Variants in TEKT1 observed in about 807,000 individuals in gnomAD.
TEKT1 encodes tektin-1.
TEKT1 carries 32 observed loss-of-function variants against 34.8 expected under a neutral mutation model. The observed-to-expected ratio is 0.92, with a 90% CI of 0.69 to 1.23. The LOEUF is 1.23. Among genes scored for constraint, TEKT1 ranks in the 50% most tolerant of loss-of-function variants. TEKT1 has a pLI of 0.00. For synonymous variants in TEKT1, 207 were observed against 199.8 expected, an observed-to-expected ratio of 1.04 and a Z score of -0.30; for missense variants, 492 against 518.5, an observed-to-expected ratio of 0.95 and a Z score of 0.50.
chr17:6,806,596 C>T (rs539447943), intron 6 of TEKT1, among the ~76,000 whole-genome samples: 133 of 152,256 alleles, frequency 8.7e-4, no homozygotes, highest in Middle Eastern at 3.4e-3. Flanking sequence ...GTTTTTGCAG[C>T]GGCTGGTACC....
chr17:6,800,807 C>A lies in TEKT1; in HGVS notation c.989G>T (p.Arg330Leu). The stretch of plus-strand genomic sequence containing the variant: ...CATTAGCCTATATTGTGCGACATCA[C>A]GACACAGCTCCACGTTCGGCCGGTG... ...RTHRPNVELC[R>L]DVAQYRLMKE... Residue 330 changes from arginine (R) to leucine (L), a missense_variant, in exon 7 of 8, where the codon CGT becomes CTT. Transcript: ENST00000338694. The A allele has an allele frequency of 6.2e-7, 1 of 1,614,190 alleles. No individual in the cohort carries two copies. Among genetic ancestry groups the A allele is most frequent in the Admixed American group, 1.7e-5 (1 of 60,024 alleles).
In TEKT1 at chr17:6,800,093, G is replaced by A; in HGVS notation, c.1191C>T (p.Ile397=). The stretch of plus-strand genomic sequence containing the variant: ...CATGGTCTTCCCCATCCCGAAGTGG[G>A]ATGGATTTCCTCATCTGCATACACA... The part of the protein sequence containing the change: ...EVLCMQMRKS[I]PLRDGEDHGV... The change falls in exon 8 of 8, where the codon ATC becomes ATT. Residue 397 remains isoleucine (I), a synonymous_variant. Transcript: ENST00000338694. 1 of 1,613,752 alleles carries A rather than the reference G, an allele frequency of 6.2e-7. No homozygotes were observed. The highest frequency in any genetic ancestry group is 2.2e-5 in the East Asian group (1 of 44,888).
rs567929653 is a variant in TEKT1, at chr17:6,827,305, G to A, written c.190+2882C>T. ...AGATGGAGTCTCGCTCTTGTCGCCCGGGCTGGAGTGCAGTGGCGTGATCTC... is the reference window on the plus strand; with the variant it reads ...AGATGGAGTCTCGCTCTTGTCGCCCAGGCTGGAGTGCAGTGGCGTGATCTC... On this transcript the variant is annotated intron_variant, in intron 2 of 7. Transcript: ENST00000338694. Among the ~76,000 whole-genome samples the A allele has an allele frequency of 1.5e-3, 215 of 144,282 alleles. 1 individual carries two copies. The highest frequency in any genetic ancestry group is 4.7e-3 in the African/African-American group (183 of 39,010). The allele number at this position is 144,282 out of a possible 152,430, so 94.7% of individuals were successfully genotyped here.
chr17:6,800,129 G>T lies in TEKT1; in HGVS notation c.1155C>A (p.Ile385=), dbSNP rs199826606. ...TCATCTGCATACACAGCACTTCGTC[G>T]ATATAAATGGTGTTCTCTTTGACCT... ...EIQVKENTIY[I]DEVLCMQMRK... is the part of the protein sequence containing the mutation. The change falls in exon 8 of 8, where the codon ATC becomes ATA. Residue 385 remains isoleucine (I), a synonymous_variant. Coordinates refer to ENST00000338694, the MANE Select transcript of TEKT1 (RefSeq NM_053285.2). The T allele has an allele frequency of 3.8e-5, 61 of 1,614,114 alleles. No individual in the cohort carries two copies. The East Asian group carries it at 1.4e-3, about 36-fold the overall frequency.
chr17:6,829,586 G>T (rs1328554872), intron 2 of TEKT1, among the ~76,000 whole-genome samples: 1 of 149,764 alleles, frequency 6.7e-6, no homozygotes, highest in East Asian at 2.0e-4. Context: ...GGGCTTACAG[G>T]ATCCTACTGC....
chr17:6,812,778 T>C, intron 6 of TEKT1, 53 bp downstream of exon 6: 7 of 1,565,194 alleles, frequency 4.5e-6, no homozygotes, highest in South Asian at 2.3e-5. Flanking sequence ...TTGTTTTCCA[T>C]GGTGAAAGCT....
intron 3 of TEKT1, among the ~76,000 whole-genome samples, chr17:6,816,763 G>A (rs1413991026): frequency 6.6e-6 from 1 of 152,050 alleles, no homozygotes; most frequent in Admixed American, 6.5e-5. Context: ...GGGATTGCTG[G>A]GTCAAATGGT....
Position 6,800,766 on chromosome 17 carries a change from T to A in TEKT1, c.1030A>T (p.Ile344Phe). The A allele has an allele frequency of 1.2e-6, 2 of 1,612,742 alleles. No individual in the cohort carries two copies. Among genetic ancestry groups the A allele is most frequent in the Non-Finnish European group, 1.7e-6 (2 of 1,179,212 alleles). ...GCCTACCTTGCGACATTGTGGGTGA[T>A]CTCTTGAACCTCCTTCATTAGCCTA... Reference protein sequence around the residue: ...QYRLMKEVQEITHNVARLKET... With the variant: ...QYRLMKEVQEFTHNVARLKET... Residue 344 changes from isoleucine to phenylalanine, a missense_variant, in exon 7 of 8, where the codon ATC (isoleucine) becomes TTC (phenylalanine). By Grantham distance (21) the Ile-to-Phe change is conservative (BLOSUM62 0). Transcript: ENST00000338694.
At chr17:6,800,987 CA>C (rs1976763984) in intron 6 of TEKT1, 44 bp from the exon 7 acceptor site, 2 of 1,540,504 alleles carry the variant, frequency 1.3e-6, no homozygotes, top group Non-Finnish European at 1.8e-6. Flanking sequence ...CTGTGCTCCT[CA>C]AAACTCAACA....
chr17:6,802,191 T>C (rs1044969175), intron 6 of TEKT1, among the ~76,000 whole-genome samples: 2 of 152,224 alleles, frequency 1.3e-5, no homozygotes, highest in Non-Finnish European at 2.9e-5. Flanking sequence ...TACATCCCAA[T>C]GAGGTCCAGA....
intron 5 of TEKT1, among the ~76,000 whole-genome samples, chr17:6,813,946 TTCTC>T (rs71157224): frequency 1.2e-3 from 182 of 145,908 alleles, no homozygotes; most frequent in Non-Finnish European, 1.6e-3. Context: ...CTGTCATCCG[TTCTC>T]TCTCTCTCTC....
rs116774842 is a variant in TEKT1 at position 6,813,508 on chromosome 17, C to T, written c.630-455G>A. ...TTTGAAGAGGAACTATCTTCTGGAA[C>T]GACACTGATGAACTTCAAAATAATG... On this transcript the variant is annotated intron_variant, in intron 5 of 7. Transcript: ENST00000338694. 6.1e-3 allele frequency among the ~76,000 whole-genome samples: 881 copies of T among 144,396 alleles called. 7 individuals are homozygous for T. Among genetic ancestry groups the T allele is most frequent in the African/African-American group, 0.018 (692 of 38,784 alleles). 94.7% of individuals were successfully genotyped at this position (144,396 alleles called of 152,430 possible).
At chr17:6,805,478 C>G (rs1257340322) in intron 6 of TEKT1, among the ~76,000 whole-genome samples, 1 of 152,054 alleles carries the variant, frequency 6.6e-6, no homozygotes, top group African/African-American at 2.4e-5. Flanking sequence ...CAGTTCTGCT[C>G]TGATCTTAGT....
At position 6,815,889 on chromosome 17, in the gene TEKT1, G is replaced by A. The variant is rs780682016; in HGVS notation, c.430C>T (p.Gln144Ter). 6.2e-7 allele frequency: 1 copy of A among 1,614,158 alleles called. No individual in the cohort carries two copies. The highest frequency in any genetic ancestry group is 2.2e-5 in the East Asian group (1 of 44,880). The change falls in exon 4 of 8, where the codon CAG becomes TAG. Residue 144 changes from glutamine (Q) to a stop codon, truncating the protein, a stop_gained. Coordinates refer to ENST00000338694, the MANE Select transcript of TEKT1 (RefSeq NM_053285.2). LOFTEE classifies it high-confidence loss of function. Reference sequence around the variant, plus strand: ...CGGGTCAGCAGAGCCATAATGCCCTGGATGATCTCAGCCTCCTTTATCAGC... The same window carrying A: ...CGGGTCAGCAGAGCCATAATGCCCTAGATGATCTCAGCCTCCTTTATCAGC... The part of the protein sequence containing the change: ...HELIKEAEII[Q>*]GIMALLTRTL...
intron 6 of TEKT1, among the ~76,000 whole-genome samples, chr17:6,812,539 G>A (rs1036913730): frequency 1.3e-5 from 2 of 152,182 alleles, no homozygotes; most frequent in South Asian, 2.1e-4. Flanking sequence ...GCACAAAGCT[G>A]CAACCAGCCC....
rs555782364 is a variant in TEKT1, at chr17:6,807,854, C to G, written c.852+4977G>C. On this transcript the variant is annotated intron_variant, in intron 6 of 7. Coordinates refer to ENST00000338694, the MANE Select transcript of TEKT1 (RefSeq NM_053285.2). ...GTTTTGTTTCAGAGGAGTACCCAGC[C>G]GTGTGAGGTGTCAGTCTGCCCCTAC... Among the ~76,000 whole-genome samples the G allele has an allele frequency of 1.6e-4, 24 of 152,238 alleles. No homozygotes were observed. The South Asian group carries it at 2.7e-3, about 17-fold the overall frequency.
rs1278219072 is a variant in TEKT1, at chr17:6,819,185, G to A, written c.356+8C>T. 9 of 1,609,546 alleles carry A rather than the reference G, an allele frequency of 5.6e-6. No individual in the cohort carries two copies. Among genetic ancestry groups the A allele is most frequent in the South Asian group, 2.2e-5 (2 of 90,006 alleles). On this transcript the variant is annotated splice_region_variant and intron_variant, in intron 3 of 7. Coordinates refer to ENST00000338694, the MANE Select transcript of TEKT1 (RefSeq NM_053285.2). ...CACATGAATCATTTGAGGGACCTTC[G>A]CTCCTACCTGTATGCCAGGCATGTC... is the stretch of plus-strand genomic sequence containing the variant.
rs745934660 is a variant in TEKT1 at position 6,800,849 on chromosome 17, C to A, written c.947G>T (p.Arg316Leu). 1.2e-6 allele frequency: 2 copies of A among 1,614,116 alleles called. No homozygotes were observed. The highest frequency in any genetic ancestry group is 1.1e-5 in the South Asian group (1 of 91,070). The change falls in exon 7 of 8, where the codon CGC (arginine) becomes CTC (leucine). Residue 316 changes from arginine to leucine, a missense_variant. By Grantham distance (102) the Arg-to-Leu change is moderately radical. Transcript: ENST00000338694. ...QEGPAKVAHT[R>L]LETRTHRPNV... The stretch of plus-strand genomic sequence containing the variant: ...CGGCCGGTGTGTCCTGGTCTCCAAG[C>A]GCGTATGAGCCACCTTGGCTGGCCC...
chr17:6,800,090 T>A lies in TEKT1; in HGVS notation c.1194A>T (p.Pro398=). The change falls in exon 8 of 8, where the codon CCA becomes CCT. Residue 398 remains proline, a synonymous_variant. Coordinates refer to ENST00000338694, the MANE Select transcript of TEKT1 (RefSeq NM_053285.2). ...VLCMQMRKSI[P]LRDGEDHGVW... ...CCCCATGGTCTTCCCCATCCCGAAG[T>A]GGGATGGATTTCCTCATCTGCATAC... The A allele has an allele frequency of 6.2e-7, 1 of 1,613,620 alleles. No individual in the cohort carries two copies. Among genetic ancestry groups the A allele is most frequent in the Admixed American group, 1.7e-5 (1 of 60,030 alleles).
Sources: allele counts gnomAD v4.1 joint callset (sites outside exome capture counted in the v4.1 genomes callset), GRCh38; gene constraint gnomAD v4.1.1; transcripts MANE v1.5; gene names NCBI Gene and HGNC (gene_info 2026-07-23, HGNC 2026-07-21).